Variants in WWC1 observed in about 807,000 individuals in gnomAD.
WWC1 encodes WW and C2 domain containing 1, also known as protein KIBRA.
Under a neutral mutation model 138.4 loss-of-function variants are expected in WWC1, and 55 were observed. The ratio of observed to expected loss-of-function variants is 0.40; its 90% CI spans 0.32 to 0.50. The LOEUF (loss-of-function observed/expected upper bound fraction) is 0.50. Ranked by LOEUF, WWC1 falls within the 20% of genes least tolerant of loss-of-function variation. The probability of loss-of-function intolerance (pLI) is 0.72; values close to 1 mark genes in which losing one functional copy is unlikely to be tolerated. For missense variants in WWC1, 1,226 were observed against 1,420.4 expected, an observed-to-expected ratio of 0.86 and a Z score of 2.20; for synonymous variants, 524 against 564.9, an observed-to-expected ratio of 0.93 and a Z score of 1.03.
At chr5:168,421,843 A>AGTTATCATAGGATTATAATATATGT (rs1781109380) in intron 9 of WWC1, among the ~76,000 whole-genome samples, 165 bp from the exon 10 acceptor site, 1 of 152,318 alleles carries the variant, frequency 6.6e-6, no homozygotes, top group South Asian at 2.1e-4. Context: ...GTGATATTGC[A>AGTTATCATAGGATTATAATATATGT]GTTATCATAG....
chr5:168,300,241 C>T lies in WWC1; in HGVS notation c.119+7970C>T, dbSNP rs192369161. Among the ~76,000 whole-genome samples the T allele has an allele frequency of 2.4e-4, 37 of 152,236 alleles. No homozygotes were observed. The East Asian group carries it at 4.6e-3, about 19-fold the overall frequency. ...ATACAGTGACATTTTGTTATTAGAC[C>T]TTCCCCAGCAGGCCATTTAGCCTTT... On this transcript the variant is annotated intron_variant, in intron 1 of 22. Transcript: ENST00000265293.
intron 1 of WWC1, among the ~76,000 whole-genome samples, chr5:168,339,364 A>G (rs1773781928): frequency 1.3e-5 from 2 of 152,266 alleles, no homozygotes; most frequent in East Asian, 1.9e-4. Flanking sequence ...AAAGAATGCC[A>G]GTGGAGGCGC....
intron 2 of WWC1, among the ~76,000 whole-genome samples, chr5:168,371,762 C>T (rs1053964801): frequency 6.6e-6 from 1 of 152,172 alleles, no homozygotes; most frequent in African/African-American, 2.4e-5. Context: ...ACTCCTCTCA[C>T]AATCCATCTC....
chr5:168,468,804 C>T, intron 22 of WWC1, 147 bp from the exon 23 acceptor site: 1 of 707,152 alleles, frequency 1.4e-6, no homozygotes, highest in Non-Finnish European at 2.4e-6. Flanking sequence ...ATACAGCCAG[C>T]ATCTAGAGGG....
At chr5:168,385,440 C>T in intron 3 of WWC1, 26 bp downstream of exon 3, 1 of 1,606,420 alleles carries the variant, frequency 6.2e-7, no homozygotes, top group Non-Finnish European at 8.5e-7. Context: ...TACCACCACC[C>T]CCACCGACAC....
At chr5:168,434,420 C>A (rs193246436) in intron 15 of WWC1, among the ~76,000 whole-genome samples, 1 of 152,286 alleles carries the variant, frequency 6.6e-6, no homozygotes, top group African/African-American at 2.4e-5. Flanking sequence ...TGTGTGGAAT[C>A]CCCAGTCTGT....
At chr5:168,441,974 G>A in intron 16 of WWC1, 140 bp downstream of exon 16, 1 of 1,275,026 alleles carries the variant, frequency 7.8e-7, no homozygotes, top group East Asian at 2.7e-5. Flanking sequence ...AGAAGACAGG[G>A]AAGGAGAGAT....
At chr5:168,465,929 G>A (rs543398852) in intron 21 of WWC1, among the ~76,000 whole-genome samples, 2 of 152,264 alleles carry the variant, frequency 1.3e-5, no homozygotes, top group Non-Finnish European at 2.9e-5. Context: ...AGGTGCTGGG[G>A]GCTACTGCCC....
chr5:168,385,642 G>A (rs1015732988), intron 3 of WWC1, among the ~76,000 whole-genome samples: 3 of 152,072 alleles, frequency 2.0e-5, no homozygotes, highest in Admixed American at 6.5e-5. Flanking sequence ...AATGCCAGTC[G>A]GATTACATAT....
chr5:168,354,634 G>A (rs572897769), intron 1 of WWC1, among the ~76,000 whole-genome samples: 4 of 152,132 alleles, frequency 2.6e-5, no homozygotes, highest in East Asian at 1.9e-4. Flanking sequence ...CCCAATTCCC[G>A]GGTCTGACTT....
Position 168,469,127 on chromosome 5 carries a change from T to A in WWC1, c.*110T>A. ...AGGTACTGAGTCACAAGTCCTCTAG[T>A]GCTCTTGTTGGTTTGAAGATGAACC... is the stretch of plus-strand genomic sequence containing the variant. On this transcript the variant is annotated 3_prime_UTR_variant, in exon 23 of 23. Transcript: ENST00000265293. The A allele has an allele frequency of 7.5e-7, 1 of 1,341,734 alleles. No individual in the cohort carries two copies. Among genetic ancestry groups the A allele is most frequent in the Non-Finnish European group, 1.1e-6 (1 of 951,610 alleles). 83.1% of individuals were successfully genotyped at this position (1,341,734 alleles called of 1,614,324 possible).
At chr5:168,393,599 G>C (rs905389244) in intron 3 of WWC1, among the ~76,000 whole-genome samples, 2 of 152,154 alleles carry the variant, frequency 1.3e-5, no homozygotes, top group Admixed American at 1.3e-4. Flanking sequence ...TTCCTTCATG[G>C]TTTCTTTCTC....
intron 9 of WWC1, among the ~76,000 whole-genome samples, chr5:168,419,249 C>A (rs1414766811): frequency 2.0e-5 from 3 of 152,158 alleles, no homozygotes; most frequent in Non-Finnish European, 4.4e-5. Flanking sequence ...GTCAGTCATC[C>A]CCTCTTCAGC....
rs79016875 is a variant in WWC1, at chr5:168,470,523, C to CAAAAAA, written c.*1517_*1522dup. The CAAAAAA allele has an allele frequency of 2.3e-5, 2 of 85,626 alleles. No individual in the cohort carries two copies. 5.3% of individuals were successfully genotyped at this position (85,626 alleles called of 1,614,324 possible). A position where few individuals can be genotyped will look rare whatever the true frequency, so the allele number is the denominator to read the frequency against. ...TGGGTGACAGAGCAAGACTCCGTCT[C>CAAAAAA]AAAAAAAAAAAAAAAAGAAAAATGC... is the stretch of plus-strand genomic sequence containing the variant. On this transcript the variant is annotated 3_prime_UTR_variant, in exon 23 of 23. Transcript: ENST00000265293.
chr5:168,308,591 C>T (rs1415491548), intron 1 of WWC1, among the ~76,000 whole-genome samples: 1 of 152,152 alleles, frequency 6.6e-6, no homozygotes, highest in East Asian at 1.9e-4. Flanking sequence ...TGGCCACGTG[C>T]ATCTGAACTT....
Position 168,371,434 on chromosome 5 carries a change from C to T in WWC1, c.130C>T (p.Pro44Ser), listed in dbSNP as rs1156906062. The change falls in exon 2 of 23, where the codon CCG (proline) becomes TCG (serine). Residue 44 changes from proline to serine, a missense_variant. Coordinates refer to ENST00000265293, the MANE Select transcript of WWC1 (RefSeq NM_015238.3). The stretch of plus-strand genomic sequence containing the variant: ...CCTCTCCCTTGCCAGGTACACCAAA[C>T]CGCTCACCTTTGCTGACTGCATTAG... ...WIDPRDRYTK[P>S]LTFADCISDE... is the part of the protein sequence containing the mutation. The T allele has an allele frequency of 6.2e-7, 1 of 1,613,820 alleles. No homozygotes were observed.
intron 12 of WWC1, 74 bp from the exon 13 acceptor site, chr5:168,428,633 A>T: frequency 6.9e-7 from 1 of 1,457,608 alleles, no homozygotes; most frequent in Non-Finnish European, 9.6e-7. Context: ...CTTCCTGGGG[A>T]TGTAACCTCA....
At chr5:168,438,130 G>A (rs1249839359) in intron 15 of WWC1, among the ~76,000 whole-genome samples, 1 of 152,152 alleles carries the variant, frequency 6.6e-6, no homozygotes, top group Non-Finnish European at 1.5e-5. Context: ...AACAAGTGAA[G>A]TGTCAGCATT....
chr5:168,339,703 A>G lies in WWC1; in HGVS notation c.120-31721A>G, dbSNP rs527559469. 2.6e-5 allele frequency among the ~76,000 whole-genome samples: 4 copies of G among 152,320 alleles called. No homozygotes were observed. In the South Asian group the frequency reaches 6.2e-4, roughly 24 times the overall value. ...AGCACATAGTCAAGGTGTAATGAGT[A>G]TTCAGTTACTTACATAGTCTAGGTA... On this transcript the variant is annotated intron_variant, in intron 1 of 22. Transcript: ENST00000265293.
Sources: gnomAD v4.1 joint callset for allele counts (sites outside exome capture counted in the v4.1 genomes callset) on GRCh38, gnomAD v4.1.1 for gene constraint, MANE v1.5 for transcripts, NCBI Gene and HGNC (gene_info 2026-07-23, HGNC 2026-07-21) for gene names.